The following UBE2Q2 variants were observed in gnomAD, a reference collection of about 807,000 sequenced individuals.
The protein encoded by UBE2Q2 is ubiquitin-conjugating enzyme E2 Q2.
UBE2Q2 carries 54 observed loss-of-function variants against 59.9 expected under a neutral mutation model. That is an observed-to-expected ratio of 0.90 (90% CI 0.72 to 1.13). UBE2Q2 has a LOEUF of 1.13. Ranked by LOEUF, UBE2Q2 falls within the 50% of genes most tolerant of loss-of-function variation. The probability of loss-of-function intolerance (pLI) is 0.00; values close to 1 mark genes in which losing one functional copy is unlikely to be tolerated. For missense variants in UBE2Q2, 433 were observed against 441.9 expected (o/e 0.98, Z 0.18); for synonymous variants, 165 against 155.2 (o/e 1.06, Z -0.47).
At chr15:75,884,178 C>T (rs1898621832) in intron 9 of UBE2Q2, among the ~76,000 whole-genome samples, 1 of 152,200 alleles carries the variant, frequency 6.6e-6, no homozygotes, top group Non-Finnish European at 1.5e-5. Flanking sequence ...TCAGTAGGCC[C>T]TCAAAGTATG....
In UBE2Q2 at chr15:75,869,011, G is replaced by A; in HGVS notation, c.447+1G>A. On this transcript the variant is annotated splice_donor_variant, in intron 4 of 12. Coordinates refer to ENST00000267938, the MANE Select transcript of UBE2Q2 (RefSeq NM_173469.4). LOFTEE classifies it high-confidence loss of function. ...GGAAGAAGAAGAAGAGATGGCTGAA[G>A]TAGGTATTTTATATAAAAGAAGAGT... 6.2e-7 allele frequency: 1 copy of A among 1,610,538 alleles called. No homozygotes were observed. Among genetic ancestry groups the A allele is most frequent in the South Asian group, 1.1e-5 (1 of 90,882 alleles).
At chr15:75,889,097 A>C (rs1898951840) in intron 9 of UBE2Q2, among the ~76,000 whole-genome samples, 1 of 152,252 alleles carries the variant, frequency 6.6e-6, no homozygotes, top group Non-Finnish European at 1.5e-5. Flanking sequence ...CAGTGAGTGC[A>C]CATTATATAC....
At chr15:75,864,562 G>T (rs1371381905) in intron 3 of UBE2Q2, among the ~76,000 whole-genome samples, 1 of 149,886 alleles carries the variant, frequency 6.7e-6, no homozygotes, top group Non-Finnish European at 1.5e-5. Context: ...TCTATGTATC[G>T]GTCTCCAGAT....
At chr15:75,853,282 C>T (rs1896724254) in intron 1 of UBE2Q2, among the ~76,000 whole-genome samples, 1 of 151,988 alleles carries the variant, frequency 6.6e-6, no homozygotes, top group African/African-American at 2.4e-5. Flanking sequence ...CCAGCCTGGC[C>T]AGCATGGTGA....
At position 75,895,291 on chromosome 15, in the gene UBE2Q2, TCTC is replaced by T. The variant is rs1418419964; in HGVS notation, c.1030-1701_1030-1699del. ...ACTCTGCCTCCTGGGTTCAAGCGAT[TCTC>T]CTGCCTCAGCCTCCCAAGTAGCTGA... is the stretch of plus-strand genomic sequence containing the variant. On this transcript the variant is annotated intron_variant, in intron 11 of 12. Transcript: ENST00000267938. The T allele has an allele frequency of 3.3e-5, 5 of 152,156 alleles. No homozygotes were observed. In the East Asian group the frequency reaches 9.9e-4, roughly 30 times the overall value. The allele number at this position is 152,156 out of a possible 1,614,324, so 9.4% of individuals were successfully genotyped here. A position where few individuals can be genotyped will look rare whatever the true frequency, so the allele number is the denominator to read the frequency against.
chr15:75,861,139 G>C (rs2141578967), intron 3 of UBE2Q2, among the ~76,000 whole-genome samples: 1 of 152,306 alleles, frequency 6.6e-6, no homozygotes, highest in Non-Finnish European at 1.5e-5. Flanking sequence ...GATTAAATGA[G>C]TTCGTACAAG....
rs60490503 is a variant in UBE2Q2, at chr15:75,856,269, G to GTATA, written c.282+1803_282+1806dup. On this transcript the variant is annotated intron_variant, in intron 2 of 12. Coordinates refer to ENST00000267938, the MANE Select transcript of UBE2Q2 (RefSeq NM_173469.4). ...TACGTGTGTGTGTGTGTGTGTGTGT[G>GTATA]TATATATATATATATATATATATAA... is the stretch of plus-strand genomic sequence containing the variant. Among the ~76,000 whole-genome samples the GTATA allele has an allele frequency of 8.1e-3, 1,123 of 139,268 alleles. 10 individuals are homozygous for GTATA. The highest frequency in any genetic ancestry group is 0.027 in the Admixed American group (373 of 13,936). 91.4% of individuals were successfully genotyped at this position (139,268 alleles called of 152,430 possible). A position where few individuals can be genotyped will look rare whatever the true frequency, so the allele number is the denominator to read the frequency against.
At chr15:75,869,896 C>G (rs1897693534) in intron 4 of UBE2Q2, among the ~76,000 whole-genome samples, 1 of 152,080 alleles carries the variant, frequency 6.6e-6, no homozygotes, top group African/African-American at 2.4e-5. Flanking sequence ...GAACAAAGAT[C>G]TTTGTTTCTG....
chr15:75,846,544 C>T (rs1039303004), intron 1 of UBE2Q2, among the ~76,000 whole-genome samples: 1 of 152,080 alleles, frequency 6.6e-6, no homozygotes, highest in African/African-American at 2.4e-5. Context: ...ACATGGATGA[C>T]TGTTTTGATA....
At chr15:75,897,096 A>G (rs747985677) in intron 12 of UBE2Q2, 35 bp downstream of exon 12, 5 of 1,374,694 alleles carry the variant, frequency 3.6e-6, no homozygotes, top group Non-Finnish European at 5.0e-6. Flanking sequence ...ATTGCCATTT[A>G]AGAAGTTTTA....
At chr15:75,884,657 A>C (rs1011405698) in intron 9 of UBE2Q2, among the ~76,000 whole-genome samples, 2 of 150,804 alleles carry the variant, frequency 1.3e-5, no homozygotes, top group African/African-American at 4.9e-5. Flanking sequence ...AATATAATTT[A>C]TTTTTACTTA....
chr15:75,886,142 C>A (rs1476504622), intron 9 of UBE2Q2, among the ~76,000 whole-genome samples: 1 of 149,868 alleles, frequency 6.7e-6, no homozygotes, highest in Non-Finnish European at 1.5e-5. Flanking sequence ...TTTTTTGAGA[C>A]AGAGTCTCAC....
intron 9 of UBE2Q2, among the ~76,000 whole-genome samples, chr15:75,886,849 C>T (rs1379720706): frequency 6.7e-6 from 1 of 150,186 alleles, no homozygotes; most frequent in Non-Finnish European, 1.5e-5. Flanking sequence ...GGCAATAGGG[C>T]GAGAGTCCGT....
intron 1 of UBE2Q2, among the ~76,000 whole-genome samples, chr15:75,850,041 C>T (rs2141538309): frequency 6.6e-6 from 1 of 152,236 alleles, no homozygotes; most frequent in African/African-American, 2.4e-5. Context: ...AATATTAATA[C>T]ATAGGTTTAA....
chr15:75,887,428 A>AGAGAAT (rs1898844628), intron 9 of UBE2Q2, among the ~76,000 whole-genome samples: 1 of 152,196 alleles, frequency 6.6e-6, no homozygotes, highest in African/African-American at 2.4e-5. Flanking sequence ...TATCTAGGAA[A>AGAGAAT]GAGAATGAGA....
At chr15:75,860,743 C>T (rs1897165001) in intron 3 of UBE2Q2, among the ~76,000 whole-genome samples, 1 of 152,044 alleles carries the variant, frequency 6.6e-6, no homozygotes, top group South Asian at 2.1e-4. Flanking sequence ...TCCTCTGTGC[C>T]CATCTTGGCA....
At chr15:75,881,134 C>T (rs991886591) in intron 8 of UBE2Q2, among the ~76,000 whole-genome samples, 1 of 151,306 alleles carries the variant, frequency 6.6e-6, no homozygotes, top group African/African-American at 2.4e-5. Context: ...GCACCCAGGC[C>T]AAAAACAAAA....
chr15:75,845,398 A>G (rs1209446827), intron 1 of UBE2Q2, among the ~76,000 whole-genome samples: 1 of 152,192 alleles, frequency 6.6e-6, no homozygotes, highest in South Asian at 2.1e-4. Flanking sequence ...GGATTTTCCA[A>G]GAGTGGAAAA....
rs150041960 is a variant in UBE2Q2 at position 75,892,536 on chromosome 15, A to G, written c.1029+1522A>G. Among the ~76,000 whole-genome samples the G allele has an allele frequency of 5.7e-4, 87 of 152,284 alleles. 1 individual carries two copies. Among genetic ancestry groups the G allele is most frequent in the African/African-American group, 1.9e-3 (81 of 41,558 alleles). ...CCAGGAATGATGAAGAAGACCTGAAAAGAAAATGGATGAAATAGAACTTAC... is the reference window on the plus strand; with the variant it reads ...CCAGGAATGATGAAGAAGACCTGAAGAGAAAATGGATGAAATAGAACTTAC... On this transcript the variant is annotated intron_variant, in intron 11 of 12. Coordinates refer to ENST00000267938, the MANE Select transcript of UBE2Q2 (RefSeq NM_173469.4).
Sources: gnomAD v4.1 joint callset for allele counts (sites outside exome capture counted in the v4.1 genomes callset) on GRCh38, gnomAD v4.1.1 for gene constraint, MANE v1.5 for transcripts, NCBI Gene and HGNC (gene_info 2026-07-23, HGNC 2026-07-21) for gene names.